The following SPSB1 variants were observed in gnomAD, a reference collection of about 807,000 sequenced individuals.
SPSB1 encodes splA/ryanodine receptor domain and SOCS box containing 1, also known as SPRY domain-containing SOCS box protein 1.
In SPSB1, 8 loss-of-function variants were observed where a neutral mutation model predicts 21.2. The ratio of observed to expected loss-of-function variants is 0.38; its 90% CI spans 0.22 to 0.68. The LOEUF (loss-of-function observed/expected upper bound fraction) is 0.68, where lower values mean the gene tolerates loss of function less well. SPSB1 is among the 30% of genes least tolerant of loss of function. The pLI is 0.53. For missense variants in SPSB1, 242 were observed against 377.8 expected (o/e 0.64, Z 2.98); for synonymous variants, 169 against 161.7 (o/e 1.05, Z -0.34).
intron 1 of SPSB1, among the ~76,000 whole-genome samples, chr1:9,333,328 CTT>C (rs33924371): frequency 0.28 from 35,971 of 126,476 alleles, 7,191 homozygotes; most frequent in African/African-American, 0.6. Context: ...TTGTCAGCTT[CTT>C]TTTTTTTTTT....
At position 9,367,576 on chromosome 1, in the gene SPSB1, C is replaced by T. The variant is rs778131096; in HGVS notation, c.*1C>T. On this transcript the variant is annotated 3_prime_UTR_variant, in exon 3 of 3. Coordinates refer to ENST00000328089, the MANE Select transcript of SPSB1 (RefSeq NM_025106.4). This position sits in a 1 kb window ranked among gnomAD's most constrained non-coding sequence, Gnocchi z 5.9. ...CAAGGCCTACCTCCTCTACCAGTGA[C>T]GTTCGCCATCATACCGCCAGCGCGA... The T allele has an allele frequency of 8.7e-6, 14 of 1,604,280 alleles. No homozygotes were observed. The East Asian group carries it at 1.3e-4, about 15-fold the overall frequency.
chr1:9,364,633 G>A (rs762128972), intron 2 of SPSB1, among the ~76,000 whole-genome samples: 2 of 152,094 alleles, frequency 1.3e-5, no homozygotes, highest in African/African-American at 4.8e-5. Context: ...TCCTCCATTC[G>A]TCTCCAATCA....
At chr1:9,366,966 G>A (rs979129614) in intron 2 of SPSB1, among the ~76,000 whole-genome samples, 10 of 152,216 alleles carry the variant, frequency 6.6e-5, no homozygotes, top group East Asian at 1.9e-4. Context: ...CTGGGGGTGC[G>A]TGCCAGGAAG....
rs552675821 is a variant in SPSB1 at position 9,329,406 on chromosome 1, G to C, written c.-149-26337G>C. Among the ~76,000 whole-genome samples the C allele has an allele frequency of 1.9e-3, 289 of 152,222 alleles. 2 individuals are homozygous for C. The highest frequency in any genetic ancestry group is 6.4e-3 in the African/African-American group (265 of 41,536). On this transcript the variant is annotated intron_variant, in intron 1 of 2. Coordinates refer to ENST00000328089, the MANE Select transcript of SPSB1 (RefSeq NM_025106.4). ...GAGGTCAGGGGAGGTGACACCCGGTGGTGGGTAGGTCAGGTGAGAGGATCC... is the reference window on the plus strand; with the variant it reads ...GAGGTCAGGGGAGGTGACACCCGGTCGTGGGTAGGTCAGGTGAGAGGATCC...
rs1410343974 is a variant in SPSB1, at chr1:9,348,755, G to A, written c.-149-6988G>A. On this transcript the variant is annotated intron_variant, in intron 1 of 2. Coordinates refer to ENST00000328089, the MANE Select transcript of SPSB1 (RefSeq NM_025106.4). This position sits in a 1 kb window ranked among gnomAD's most constrained non-coding sequence, Gnocchi z 4.8. Reference sequence around the variant, plus strand: ...TTCGAAGCTGGCCGAGGGAGTACGGGGCTTTCAGAAGCTCATCTGCTTAGA... The same window carrying A: ...TTCGAAGCTGGCCGAGGGAGTACGGAGCTTTCAGAAGCTCATCTGCTTAGA... Among the ~76,000 whole-genome samples the A allele has an allele frequency of 6.6e-6, 1 of 151,974 alleles. No individual in the cohort carries two copies. Among genetic ancestry groups the A allele is most frequent in the Admixed American group, 6.6e-5 (1 of 15,264 alleles).
rs1640158929 is a variant in SPSB1 at position 9,345,757 on chromosome 1, T to G, written c.-149-9986T>G. 6.6e-6 allele frequency among the ~76,000 whole-genome samples: 1 copy of G among 152,164 alleles called. No individual in the cohort carries two copies. On this transcript the variant is annotated intron_variant, in intron 1 of 2. Coordinates refer to ENST00000328089, the MANE Select transcript of SPSB1 (RefSeq NM_025106.4). This position sits in a 1 kb window ranked among gnomAD's most constrained non-coding sequence, Gnocchi z 4.8. ...GTCTTTTGAGGTCAGGGACTAGAGCTCTGGACCGTGTGGGATTTTCTCTCC... is the reference window on the plus strand; with the variant it reads ...GTCTTTTGAGGTCAGGGACTAGAGCGCTGGACCGTGTGGGATTTTCTCTCC...
intron 1 of SPSB1, among the ~76,000 whole-genome samples, chr1:9,336,641 C>G (rs552281664): frequency 6.6e-6 from 1 of 152,190 alleles, no homozygotes; most frequent in East Asian, 1.9e-4. Flanking sequence ...GGCAGGAGGC[C>G]GCTGCCTGAG....
intron 1 of SPSB1, among the ~76,000 whole-genome samples, chr1:9,296,500 G>A (rs1389864281): frequency 1.3e-5 from 2 of 152,184 alleles, no homozygotes; most frequent in Admixed American, 6.5e-5. Flanking sequence ...AGTATAATGA[G>A]CGATCAGGTT....
intron 1 of SPSB1, among the ~76,000 whole-genome samples, chr1:9,313,626 G>A (rs377006664): frequency 9.9e-5 from 15 of 152,118 alleles, no homozygotes; most frequent in African/African-American, 3.1e-4. Context: ...ATGGAGAGAA[G>A]CCTTAGCCAG....
chr1:9,347,109 G>A (rs1218767782), intron 1 of SPSB1, among the ~76,000 whole-genome samples: 1 of 152,116 alleles, frequency 6.6e-6, no homozygotes. Flanking sequence ...CTTGAGCCTC[G>A]TAGTTAAGAG....
At chr1:9,361,169 T>C (rs1204706059) in intron 2 of SPSB1, among the ~76,000 whole-genome samples, 3 of 142,298 alleles carry the variant, frequency 2.1e-5, no homozygotes, top group African/African-American at 8.0e-5. Context: ...TTTTTTTTTT[T>C]TTTTTTTTTT....
chr1:9,333,763 G>C (rs1639962252), intron 1 of SPSB1, among the ~76,000 whole-genome samples: 1 of 152,140 alleles, frequency 6.6e-6, no homozygotes, highest in African/African-American at 2.4e-5. Flanking sequence ...AAACGAGGTT[G>C]CCAAAGAGAC....
intron 1 of SPSB1, among the ~76,000 whole-genome samples, chr1:9,328,320 A>G (rs1639852564): frequency 6.6e-6 from 1 of 152,200 alleles, no homozygotes. Flanking sequence ...TCCAGGAAGA[A>G]TGTCCCTTTT....
intron 1 of SPSB1, among the ~76,000 whole-genome samples, chr1:9,347,557 ATTCTG>A (rs1322192680): frequency 6.6e-6 from 1 of 152,198 alleles, no homozygotes; most frequent in East Asian, 1.9e-4. Flanking sequence ...ATCTTTTTAA[ATTCTG>A]TTCTTTCAGA....
intron 1 of SPSB1, among the ~76,000 whole-genome samples, chr1:9,341,901 C>T (rs1640097871): frequency 6.6e-6 from 1 of 152,022 alleles, no homozygotes. Flanking sequence ...GGGGTTTCTC[C>T]ATGTTGGTCA....
At position 9,367,027 on chromosome 1, in the gene SPSB1, C is replaced by T. The variant is rs1279431038; in HGVS notation, c.695-421C>T. Among the ~76,000 whole-genome samples, 1 of 152,250 alleles carries T rather than the reference C, an allele frequency of 6.6e-6. No individual in the cohort carries two copies. Among genetic ancestry groups the T allele is most frequent in the African/African-American group, 2.4e-5 (1 of 41,472 alleles). On this transcript the variant is annotated intron_variant, in intron 2 of 2. Transcript: ENST00000328089. The surrounding 1 kb of genome is among the most constrained non-coding windows in gnomAD (Gnocchi z 5.9). The stretch of plus-strand genomic sequence containing the variant: ...ACAGGCCCCAATGGCAGCTGCTTGC[C>T]TGGACAGGCAGAGTCACCAGTGGGG...
Position 9,312,483 on chromosome 1 carries a change from TTAG to T in SPSB1, c.-150+19414_-150+19416del, listed in dbSNP as rs1327092368. 2.0e-5 allele frequency among the ~76,000 whole-genome samples: 3 copies of T among 152,296 alleles called. No individual in the cohort carries two copies. The South Asian group carries it at 6.2e-4, about 32-fold the overall frequency. On this transcript the variant is annotated intron_variant, in intron 1 of 2. Transcript: ENST00000328089. ...TTGTAAATGTACACATTGATGATTATTAGTGCACACATGTGGTCAGGCAGCCGT... is the reference window on the plus strand; with the variant it reads ...TTGTAAATGTACACATTGATGATTATTGCACACATGTGGTCAGGCAGCCGT...
At chr1:9,298,264 A>G (rs1051673468) in intron 1 of SPSB1, among the ~76,000 whole-genome samples, 4 of 152,244 alleles carry the variant, frequency 2.6e-5, no homozygotes, top group Non-Finnish European at 5.9e-5. Flanking sequence ...GGTCAAATGA[A>G]AAAAAGTCTA....
intron 1 of SPSB1, among the ~76,000 whole-genome samples, chr1:9,334,588 C>G (rs1406967138): frequency 1.3e-5 from 2 of 152,176 alleles, no homozygotes; most frequent in Admixed American, 1.3e-4. Context: ...TGTTGTACAA[C>G]CATCACCGTT....
Sources: gnomAD v4.1 joint callset for allele counts (sites outside exome capture counted in the v4.1 genomes callset) on GRCh38, gnomAD v4.1.1 for gene constraint, Gnocchi (gnomAD v3.1) non-coding constraint, MANE v1.5 for transcripts, NCBI Gene and HGNC (gene_info 2026-07-23, HGNC 2026-07-21) for gene names.